The following STAG1 variants were observed in gnomAD, a reference collection of about 807,000 sequenced individuals.
The protein encoded by STAG1 is cohesin subunit SA-1.
STAG1 carries 26 observed loss-of-function variants against 170.9 expected under a neutral mutation model. That is an observed-to-expected ratio of 0.15 (90% CI 0.11 to 0.21). The LOEUF (loss-of-function observed/expected upper bound fraction) is 0.21. Among genes scored for constraint, STAG1 ranks in the 10% least tolerant of loss-of-function variants. The pLI is 1.00. For synonymous variants in STAG1, 514 were observed against 497.7 expected, an observed-to-expected ratio of 1.03 and a Z score of -0.44; for missense variants, 964 against 1,509.5, an observed-to-expected ratio of 0.64 and a Z score of 5.99.
intron 13 of STAG1, among the ~76,000 whole-genome samples, chr3:136,457,713 A>G (rs559751338): frequency 2.6e-5 from 4 of 152,340 alleles, no homozygotes; most frequent in African/African-American, 9.6e-5. Context: ...TAAAAGTAAG[A>G]AAACTGAAAA....
chr3:136,425,438 TGAA>T (rs1202002906), intron 16 of STAG1, among the ~76,000 whole-genome samples: 4 of 152,212 alleles, frequency 2.6e-5, no homozygotes, highest in African/African-American at 9.6e-5. Context: ...ATGAAACACC[TGAA>T]GAATAAACCA....
intron 3 of STAG1, among the ~76,000 whole-genome samples, chr3:136,616,607 A>T (rs1243373454): frequency 6.6e-6 from 1 of 152,200 alleles, no homozygotes; most frequent in African/African-American, 2.4e-5. Context: ...TAGAAAAAGT[A>T]GTACAGAAAA....
chr3:136,669,177 C>A (rs1202643645), intron 1 of STAG1, among the ~76,000 whole-genome samples: 1 of 152,162 alleles, frequency 6.6e-6, no homozygotes. Flanking sequence ...AAAGGAACTT[C>A]CAATTGAAAA....
Position 136,454,315 on chromosome 3 carries a change from A to G in STAG1, c.1314-2168T>C, listed in dbSNP as rs542748779. On this transcript the variant is annotated intron_variant, in intron 13 of 33. Coordinates refer to ENST00000383202, the MANE Select transcript of STAG1 (RefSeq NM_005862.3). ...GGCTGGTCTCGAACTCCTGACCTCA[A>G]GTAATCCGCCCACCTCAGCCTCCCA... Among the ~76,000 whole-genome samples, 14 of 151,854 alleles carry G rather than the reference A, an allele frequency of 9.2e-5. No homozygotes were observed. In the South Asian group the frequency reaches 2.9e-3, roughly 32 times the overall value.
intron 1 of STAG1, among the ~76,000 whole-genome samples, chr3:136,722,891 G>A (rs991715517): frequency 3.2e-4 from 49 of 152,142 alleles, no homozygotes; most frequent in African/African-American, 9.2e-4. Flanking sequence ...ACGGGGTTTC[G>A]CTGTGTTGGC....
At chr3:136,641,262 T>G (rs1186729138) in intron 1 of STAG1, among the ~76,000 whole-genome samples, 1 of 152,194 alleles carries the variant, frequency 6.6e-6, no homozygotes, top group Admixed American at 6.5e-5. Context: ...GAATCAATAA[T>G]GAATACTAAT....
chr3:136,454,431 G>A (rs891989423), intron 13 of STAG1, among the ~76,000 whole-genome samples: 3 of 151,778 alleles, frequency 2.0e-5, no homozygotes, highest in African/African-American at 4.8e-5. Context: ...CTGGCTGGAC[G>A]GCAATGGCAT....
intron 15 of STAG1, among the ~76,000 whole-genome samples, chr3:136,441,382 A>G (rs1481702155): frequency 6.6e-6 from 1 of 152,206 alleles, no homozygotes; most frequent in Non-Finnish European, 1.5e-5. Flanking sequence ...ACCATGTGCA[A>G]ATAAAATAAA....
At chr3:136,587,828 G>C (rs560166467) in intron 4 of STAG1, among the ~76,000 whole-genome samples, 1 of 152,226 alleles carries the variant, frequency 6.6e-6, no homozygotes, top group South Asian at 2.1e-4. Flanking sequence ...AAATAAGCCA[G>C]GCGGGTCCCT....
chr3:136,721,293 G>A (rs1353383127), intron 1 of STAG1: 1 of 152,100 alleles, frequency 6.6e-6, no homozygotes, highest in African/African-American at 2.4e-5. Context: ...AATACTGAAG[G>A]CAGTATAACA....
intron 15 of STAG1, among the ~76,000 whole-genome samples, chr3:136,442,152 T>G (rs915876836): frequency 2.6e-5 from 4 of 152,188 alleles, no homozygotes; most frequent in Non-Finnish European, 5.9e-5. Context: ...GAGCTGAGAA[T>G]GCGCCACTGC....
At chr3:136,564,874 T>C (rs1936992448) in intron 5 of STAG1, among the ~76,000 whole-genome samples, 1 of 151,226 alleles carries the variant, frequency 6.6e-6, no homozygotes, top group South Asian at 2.1e-4. Context: ...GCCTCCAGAT[T>C]TGTGAGCAAT....
intron 9 of STAG1, among the ~76,000 whole-genome samples, chr3:136,493,247 G>A (rs565405774): frequency 1.3e-5 from 2 of 152,256 alleles, no homozygotes; most frequent in South Asian, 4.1e-4. Flanking sequence ...GGAGGCTGAG[G>A]TGGGAAGATC....
chr3:136,495,773 C>A (rs975227668), intron 9 of STAG1, among the ~76,000 whole-genome samples: 2 of 150,852 alleles, frequency 1.3e-5, no homozygotes, highest in African/African-American at 2.4e-5. Context: ...TCAAGACCAT[C>A]CTGGATAACA....
chr3:136,741,289 C>A (rs924880361), intron 1 of STAG1, among the ~76,000 whole-genome samples: 1 of 152,186 alleles, frequency 6.6e-6, no homozygotes, highest in Non-Finnish European at 1.5e-5. Context: ...CACAGTGCAT[C>A]GTTCTTCATC....
Position 136,369,295 on chromosome 3 carries a change from G to A in STAG1, c.2371-13C>T. The A allele has an allele frequency of 6.4e-7, 1 of 1,563,924 alleles. No individual in the cohort carries two copies. The highest frequency in any genetic ancestry group is 2.4e-5 in the East Asian group (1 of 42,384). Reference sequence around the variant, plus strand: ...GTAACATGAAAGCCTGGAATACAAAGGCAATTTATCAGCAAAATATTACAC... The same window carrying A: ...GTAACATGAAAGCCTGGAATACAAAAGCAATTTATCAGCAAAATATTACAC... On this transcript the variant is annotated splice_polypyrimidine_tract_variant and intron_variant, in intron 23 of 33. Coordinates refer to ENST00000383202, the MANE Select transcript of STAG1 (RefSeq NM_005862.3).
chr3:136,385,770 T>C (rs757743544), intron 22 of STAG1, among the ~76,000 whole-genome samples: 6 of 152,134 alleles, frequency 3.9e-5, no homozygotes, highest in Non-Finnish European at 8.8e-5. Flanking sequence ...GGCACAATCA[T>C]AGCTCAATGC....
chr3:136,489,216 A>G (rs926829331), intron 9 of STAG1, among the ~76,000 whole-genome samples: 2 of 152,174 alleles, frequency 1.3e-5, no homozygotes, highest in African/African-American at 4.8e-5. Context: ...TCTAGGAAAA[A>G]CTTATCTAAT....
chr3:136,426,924 A>G (rs7644541), intron 16 of STAG1, among the ~76,000 whole-genome samples: 121,213 of 152,048 alleles, frequency 0.8, 48,392 homozygotes, highest in East Asian at 0.86. Context: ...AAAATTAGCC[A>G]GGTGTGGCGC....
Sources: gnomAD v4.1 joint callset for allele counts (sites outside exome capture counted in the v4.1 genomes callset) on GRCh38, gnomAD v4.1.1 for gene constraint, MANE v1.5 for transcripts, NCBI Gene and HGNC (gene_info 2026-07-23, HGNC 2026-07-21) for gene names.